The following ZNF497 variants were observed in gnomAD, a reference collection of about 807,000 sequenced individuals.
ZNF497 encodes the protein zinc finger protein 497, also known as zinc finger-like protein.
For synonymous variants in ZNF497, 422 were observed against 313.7 expected, an observed-to-expected ratio of 1.35 and a Z score of -3.65; for missense variants, 930 against 714.0, an observed-to-expected ratio of 1.30 and a Z score of -3.45.
chr19:58,361,930 T>C (rs2052098469), intron 1 of ZNF497, among the ~76,000 whole-genome samples: 1 of 152,198 alleles, frequency 6.6e-6, no homozygotes, highest in Non-Finnish European at 1.5e-5. Context: ...CAGCCGCATC[T>C]ATCAGGGCTG....
At position 58,357,369 on chromosome 19, in the gene ZNF497, C is replaced by G; in HGVS notation, c.267G>C (p.Glu89Asp). 1 of 1,593,602 alleles carries G rather than the reference C, an allele frequency of 6.3e-7. No individual in the cohort carries two copies. The highest frequency in any genetic ancestry group is 8.5e-7 in the Non-Finnish European group (1 of 1,171,442). Residue 89 changes from glutamate to aspartate, a missense_variant, in exon 3 of 3, where the codon GAG becomes GAC. Glu to Asp is a conservative substitution (Grantham distance 45). Transcript: ENST00000311044. ...GGRDGAGPRS[E>D]PADRALRPSP... Reference sequence around the variant, plus strand: ...AAGGGCGCAACGCCCGGTCTGCAGGCTCGCTCCTGGGCCCAGCCCCGTCCC... The same window carrying G: ...AAGGGCGCAACGCCCGGTCTGCAGGGTCGCTCCTGGGCCCAGCCCCGTCCC...
At position 58,357,582 on chromosome 19, in the gene ZNF497, G is replaced by T; in HGVS notation, c.54C>A (p.Val18=). ...TCGTGGCAGTCTTCACATTGCAGAGGACCTGGCCTTCCTCTGGGGCCACCT... is the reference window on the plus strand; with the variant it reads ...TCGTGGCAGTCTTCACATTGCAGAGTACCTGGCCTTCCTCTGGGGCCACCT... The part of the protein sequence containing the change: ...TLQVAPEEGQ[V]LCNVKTATRG... Residue 18 remains valine (V), a synonymous_variant, in exon 3 of 3, where the codon GTC becomes GTA. Transcript: ENST00000311044. 1 of 1,584,046 alleles carries T rather than the reference G, an allele frequency of 6.3e-7. No individual in the cohort carries two copies. Among genetic ancestry groups the T allele is most frequent in the African/African-American group, 1.4e-5 (1 of 73,850 alleles).
intron 1 of ZNF497, chr19:58,359,240 G>C (rs760429847): frequency 7.7e-7 from 1 of 1,290,614 alleles, no homozygotes. Context: ...GGCCAGGGCT[G>C]ATGCCTCACT....
intron 1 of ZNF497, chr19:58,359,206 C>A (rs1395172192): frequency 7.7e-7 from 1 of 1,290,880 alleles, no homozygotes; most frequent in Non-Finnish European, 1.0e-6. Flanking sequence ...CCATCAGTTC[C>A]AGTGGACTCG....
chr19:58,358,086 C>G (rs533390305), intron 2 of ZNF497: 1 of 1,239,184 alleles, frequency 8.1e-7, no homozygotes, highest in African/African-American at 1.5e-5. Flanking sequence ...CTGGAGGACA[C>G]CGCCTGACCC....
At position 58,360,767 on chromosome 19, in the gene ZNF497, C is replaced by CTTTTTTTTTT. The variant is rs551580074; in HGVS notation, c.-112+1900_-112+1909dup. 2.0e-4 allele frequency among the ~76,000 whole-genome samples: 7 copies of CTTTTTTTTTT among 34,530 alleles called. 2 individuals carry two copies. Among genetic ancestry groups the CTTTTTTTTTT allele is most frequent in the African/African-American group, 4.7e-4 (4 of 8,510 alleles). The allele number at this position is 34,530 out of a possible 152,430, so 22.7% of individuals were successfully genotyped here. A position where few individuals can be genotyped will look rare whatever the true frequency, so the allele number is the denominator to read the frequency against. ...ATGTTGGCCAGGCTGGTCCCGAACT[C>CTTTTTTTTTT]TTTTTTTTTTTTTTTTTTTTTTTTT... On this transcript the variant is annotated intron_variant, in intron 1 of 2. Coordinates refer to ENST00000311044, the MANE Select transcript of ZNF497 (RefSeq NM_198458.3).
chr19:58,356,896 G>C lies in ZNF497; in HGVS notation c.740C>G (p.Ala247Gly). ...GAAGGCCTTGCCACAGTCCCGGCAG[G>C]CGTGCGGCCGCGCGCCCGTGTGCAC... is the stretch of plus-strand genomic sequence containing the variant. The part of the protein sequence containing the change: ...RRVHTGARPH[A>G]CRDCGKAFSQ... The change falls in exon 3 of 3, where the codon GCC (alanine) becomes GGC (glycine). Residue 247 changes from alanine (A) to glycine (G), a missense_variant. Coordinates refer to ENST00000311044, the MANE Select transcript of ZNF497 (RefSeq NM_198458.3). 1 of 1,590,752 alleles carries C rather than the reference G, an allele frequency of 6.3e-7. No homozygotes were observed. Among genetic ancestry groups the C allele is most frequent in the Non-Finnish European group, 8.5e-7 (1 of 1,173,544 alleles).
intron 1 of ZNF497, chr19:58,359,437 C>G (rs1448565443): frequency 6.4e-6 from 3 of 465,564 alleles, no homozygotes; most frequent in Non-Finnish European, 1.3e-5. Flanking sequence ...TTTCTGGCCC[C>G]CAGTGTCAGC....
intron 2 of ZNF497, 112 bp from the exon 3 acceptor site, chr19:58,357,761 A>T: frequency 8.0e-7 from 1 of 1,248,506 alleles, no homozygotes; most frequent in Non-Finnish European, 1.1e-6. Context: ...CTTCTCCTCC[A>T]GGTCCCTGGA....
chr19:58,356,934 C>T lies in ZNF497; in HGVS notation c.702G>A (p.Leu234=). 6.2e-7 allele frequency: 1 copy of T among 1,600,368 alleles called. No homozygotes were observed. The highest frequency in any genetic ancestry group is 1.1e-5 in the South Asian group (1 of 90,312). ...GKAFSWNSNF[L]EHRRVHTGAR... ...CGCCCGTGTGCACGCGCCGGTGCTC[C>T]AGGAAATTGGAGTTCCAGCTGAAGG... Residue 234 remains leucine, a synonymous_variant, in exon 3 of 3, where the codon CTG becomes CTA. Coordinates refer to ENST00000311044, the MANE Select transcript of ZNF497 (RefSeq NM_198458.3).
At chr19:58,361,203 G>A (rs1366289515) in intron 1 of ZNF497, among the ~76,000 whole-genome samples, 1 of 152,092 alleles carries the variant, frequency 6.6e-6, no homozygotes, top group African/African-American at 2.4e-5. Context: ...ATGACAAAAT[G>A]GTAGAAATGA....
Position 58,358,496 on chromosome 19 carries a change from T to G in ZNF497, c.-22A>C, listed in dbSNP as rs1599913162. 8.6e-7 allele frequency: 1 copy of G among 1,166,570 alleles called. No homozygotes were observed. 72.3% of individuals were successfully genotyped at this position (1,166,570 alleles called of 1,614,324 possible). On this transcript the variant is annotated 5_prime_UTR_variant, in exon 2 of 3. Coordinates refer to ENST00000311044, the MANE Select transcript of ZNF497 (RefSeq NM_198458.3). ...GTGTAGATGGTGCCATACCTGGAGG[T>G]GGGGCCTGGAAGGGGCCCAGGGGAG...
chr19:58,357,171 G>T lies in ZNF497; in HGVS notation c.465C>A (p.Ile155=). The T allele has an allele frequency of 1.2e-6, 2 of 1,610,412 alleles. No homozygotes were observed. Among genetic ancestry groups the T allele is most frequent in the Non-Finnish European group, 1.7e-6 (2 of 1,178,920 alleles). ...WSSNLSQHQR[I]HSGEKPYACR... ...AAGCGTAGGGCTTCTCGCCGCTGTGGATGCGCTGGTGCTGGCTGAGGTTGG... is the reference window on the plus strand; with the variant it reads ...AAGCGTAGGGCTTCTCGCCGCTGTGTATGCGCTGGTGCTGGCTGAGGTTGG... The change falls in exon 3 of 3, where the codon ATC becomes ATA. Residue 155 remains isoleucine, a synonymous_variant. Coordinates refer to ENST00000311044, the MANE Select transcript of ZNF497 (RefSeq NM_198458.3).
intron 1 of ZNF497, chr19:58,359,513 A>G (rs2052067726): frequency 4.4e-6 from 2 of 454,824 alleles, no homozygotes; most frequent in African/African-American, 4.0e-5. Flanking sequence ...TGCTTGTACC[A>G]TCCCTTCCCC....
chr19:58,361,926 CATCT>C (rs1319382617), intron 1 of ZNF497, among the ~76,000 whole-genome samples: 1 of 152,226 alleles, frequency 6.6e-6, no homozygotes, highest in Non-Finnish European at 1.5e-5. Context: ...CCCCCAGCCG[CATCT>C]ATCAGGGCTG....
intron 1 of ZNF497, 52 bp from the exon 2 acceptor site, chr19:58,358,637 T>G: frequency 1.0e-6 from 1 of 994,836 alleles, no homozygotes; most frequent in Non-Finnish European, 1.3e-6. Context: ...CTAGCAGATC[T>G]GAGAAAACAA....
chr19:58,357,558 C>T lies in ZNF497; in HGVS notation c.78G>A (p.Thr26=), dbSNP rs777491463. The stretch of plus-strand genomic sequence containing the variant: ...ACACAGCCCCCTCAGAGAGGCCCCT[C>T]GTGGCAGTCTTCACATTGCAGAGGA... The part of the protein sequence containing the change: ...GQVLCNVKTA[T]RGLSEGAVSG... Residue 26 remains threonine (T), a synonymous_variant, in exon 3 of 3, where the codon ACG becomes ACA. Transcript: ENST00000311044. 8 of 1,601,954 alleles carry T rather than the reference C, an allele frequency of 5.0e-6. No individual in the cohort carries two copies. In the Admixed American group the frequency reaches 5.2e-5, roughly 10 times the overall value.
chr19:58,359,299 A>C (rs1007472249), intron 1 of ZNF497: 2 of 1,277,540 alleles, frequency 1.6e-6, no homozygotes, highest in Non-Finnish European at 1.0e-6. Flanking sequence ...GTGCAGCTGC[A>C]TGGCCCAGGG....
intron 1 of ZNF497, among the ~76,000 whole-genome samples, chr19:58,360,772 T>A: frequency 1.1e-5 from 1 of 87,382 alleles, no homozygotes; most frequent in African/African-American, 5.0e-5. Flanking sequence ...GAACTCTTTT[T>A]TTTTTTTTTT....
Sources: gnomAD v4.1 joint callset for allele counts (sites outside exome capture counted in the v4.1 genomes callset) on GRCh38, gnomAD v4.1.1 for gene constraint, MANE v1.5 for transcripts, NCBI Gene and HGNC (gene_info 2026-07-23, HGNC 2026-07-21) for gene names.